The following MYO1F variants were observed in gnomAD, a reference collection of about 807,000 sequenced individuals.
The protein encoded by MYO1F is unconventional myosin-If.
A neutral mutation model predicts 146.6 loss-of-function variants in MYO1F; 60 were observed. The observed-to-expected ratio is 0.41, with a 90% CI of 0.33 to 0.51. MYO1F has a LOEUF of 0.51. MYO1F is among the 20% of genes least tolerant of loss of function. The pLI is 0.25. For synonymous variants in MYO1F, 602 were observed against 602.1 expected (o/e 1.00, Z 0.00); for missense variants, 1,274 against 1,534.3 (o/e 0.83, Z 2.83).
rs1417699392 is a variant in MYO1F, at chr19:8,521,174, G to A, written c.*354C>T. On this transcript the variant is annotated 3_prime_UTR_variant, in exon 28 of 28. Coordinates refer to ENST00000644032, the MANE Select transcript of MYO1F (RefSeq NM_012335.4). ...GAATGAGCAAAGTCACGCTTGTTAA[G>A]GACCCCCCCCTCCCCAACTGTGCCT... 3 of 374,574 alleles carry A rather than the reference G, an allele frequency of 8.0e-6. No homozygotes were observed. The highest frequency in any genetic ancestry group is 2.1e-5 in the African/African-American group (1 of 48,096). The allele number at this position is 374,574 out of a possible 1,614,324, so 23.2% of individuals were successfully genotyped here.
rs1972464689 is a variant in MYO1F at position 8,530,999 on chromosome 19, G to A, written c.2044-426C>T. 1.3e-5 allele frequency among the ~76,000 whole-genome samples: 2 copies of A among 152,124 alleles called. No individual in the cohort carries two copies. Among genetic ancestry groups the A allele is most frequent in the Admixed American group, 6.6e-5 (1 of 15,260 alleles). The stretch of plus-strand genomic sequence containing the variant: ...GCGGAGGTTGCAGTGAGCTGAGATC[G>A]CGCCATTGCACTCCAGCCTGGACAA... On this transcript the variant is annotated intron_variant, in intron 19 of 27. Transcript: ENST00000644032. The surrounding 1 kb of genome is among the most constrained non-coding windows in gnomAD (Gnocchi z 5.8).
rs1432075126 is a variant in MYO1F, at chr19:8,536,530, A to G, written c.1867T>C (p.Tyr623His). 5.9e-5 allele frequency: 95 copies of G among 1,612,488 alleles called. No individual in the cohort carries two copies. Among genetic ancestry groups the G allele is most frequent in the Non-Finnish European group, 8.1e-5 (95 of 1,179,722 alleles). ...AGGAATTTGGCGAACTGGCGGCGGTAGGCGAAGCCGGCTCTGCGCACCCTG... is the reference window on the plus strand; with the variant it reads ...AGGAATTTGGCGAACTGGCGGCGGTGGGCGAAGCCGGCTCTGCGCACCCTG... ...NIRVRRAGFA[Y>H]RRQFAKFLQR... Residue 623 changes from tyrosine to histidine, a missense_variant, in exon 18 of 28, where the codon TAC becomes CAC. Around this residue, in one of 2 missense-constraint regions of MYO1F, gnomAD observed 900 missense variants for 1,155.1 expected, o/e 0.78. Transcript: ENST00000644032.
chr19:8,555,798 T>A lies in MYO1F; in HGVS notation c.4-2A>T. On this transcript the variant is annotated splice_acceptor_variant, in intron 1 of 27. Transcript: ENST00000644032. LOFTEE classifies it high-confidence loss of function. ...CCAGTGGAAGCGCTCCTTGCTGCCC[T>A]GGGGGGTGAGAGGGGGGTCGGGGTG... is the stretch of plus-strand genomic sequence containing the variant. 1 of 1,610,746 alleles carries A rather than the reference T, an allele frequency of 6.2e-7. No individual in the cohort carries two copies.
intron 1 of MYO1F, among the ~76,000 whole-genome samples, chr19:8,567,932 C>G (rs2042035841): frequency 6.6e-6 from 1 of 152,234 alleles, no homozygotes; most frequent in African/African-American, 2.4e-5. Flanking sequence ...GCCACTTCCC[C>G]TCACTGGGGT....
intron 14 of MYO1F, among the ~76,000 whole-genome samples, chr19:8,543,174 G>C (rs1240837440): frequency 1.3e-5 from 2 of 152,232 alleles, no homozygotes; most frequent in Non-Finnish European, 2.9e-5. Flanking sequence ...AAAGTGCTGG[G>C]ATTACAGGCG....
intron 16 of MYO1F, among the ~76,000 whole-genome samples, chr19:8,538,779 C>T (rs1033489174): frequency 7.9e-5 from 12 of 151,822 alleles, no homozygotes; most frequent in Non-Finnish European, 1.3e-4. Context: ...TTTATAGAGA[C>T]GGGGTCTTGT....
chr19:8,548,643 C>G (rs1360180806), intron 10 of MYO1F, among the ~76,000 whole-genome samples: 1 of 151,294 alleles, frequency 6.6e-6, no homozygotes, highest in Non-Finnish European at 1.5e-5. Context: ...CTCTGTCGCC[C>G]AGGCTGGAGT....
intron 22 of MYO1F, 90 bp from the exon 23 acceptor site, chr19:8,527,025 G>A (rs1280100517): frequency 6.5e-7 from 1 of 1,550,074 alleles, no homozygotes; most frequent in African/African-American, 1.4e-5. Flanking sequence ...GGTGGATTTA[G>A]GGAAGGGTCA....
At chr19:8,568,556 G>A (rs2042052035) in intron 1 of MYO1F, among the ~76,000 whole-genome samples, 1 of 151,990 alleles carries the variant, frequency 6.6e-6, no homozygotes. Flanking sequence ...TCAAAGCCTG[G>A]CTTGACAGTT....
intron 21 of MYO1F, among the ~76,000 whole-genome samples, chr19:8,529,643 G>A (rs1972400203): frequency 6.6e-6 from 1 of 152,040 alleles, no homozygotes; most frequent in African/African-American, 2.4e-5. Context: ...GGTGTGTCTA[G>A]GATAGGCAAG....
intron 25 of MYO1F, among the ~76,000 whole-genome samples, chr19:8,524,790 G>C (rs979780508): frequency 6.6e-6 from 1 of 152,108 alleles, no homozygotes; most frequent in Non-Finnish European, 1.5e-5. Context: ...CTGTGGGTAC[G>C]TCTTGGTGGA....
At chr19:8,529,843 C>A (rs2145835762) in intron 21 of MYO1F, 1 of 454,134 alleles carries the variant, frequency 2.2e-6, no homozygotes, top group Middle Eastern at 6.6e-4. Context: ...TAATGATGTA[C>A]CTGTGATGGA....
intron 10 of MYO1F, chr19:8,549,856 A>G: frequency 4.1e-6 from 2 of 488,096 alleles, no homozygotes; most frequent in South Asian, 4.2e-5. Flanking sequence ...GCTGGAGTAC[A>G]ATAGCGCAAT....
intron 1 of MYO1F, among the ~76,000 whole-genome samples, chr19:8,574,493 TTTC>T (rs1240460569): frequency 1.3e-5 from 2 of 152,082 alleles, no homozygotes; most frequent in African/African-American, 4.8e-5. Context: ...GGCATTAGAT[TTTC>T]TTTTCTTTCT....
chr19:8,525,071 G>A (rs1972209176), intron 25 of MYO1F, among the ~76,000 whole-genome samples: 1 of 151,342 alleles, frequency 6.6e-6, no homozygotes, highest in Non-Finnish European at 1.5e-5. Context: ...GTGGTGGCGG[G>A]TGCCTGTAAT....
rs746455069 is a variant in MYO1F at position 8,524,118 on chromosome 19, CAA to C, written c.2855-1291_2855-1290del. 4.3e-5 allele frequency among the ~76,000 whole-genome samples: 2 copies of C among 46,014 alleles called. 1 individual carries two copies. Among genetic ancestry groups the C allele is most frequent in the Non-Finnish European group, 7.1e-5 (2 of 28,152 alleles). The allele number at this position is 46,014 out of a possible 152,430, so 30.2% of individuals were successfully genotyped here. A position where few individuals can be genotyped will look rare whatever the true frequency, so the allele number is the denominator to read the frequency against. On this transcript the variant is annotated intron_variant, in intron 25 of 27. Transcript: ENST00000644032. The stretch of plus-strand genomic sequence containing the variant: ...TGGGCAACAGAGCAAGACACCGTCT[CAA>C]AAAAAAAAAAAAAAAAAAGGCCGGG...
intron 19 of MYO1F, among the ~76,000 whole-genome samples, chr19:8,534,228 A>G (rs2145847289): frequency 6.6e-6 from 1 of 152,090 alleles, no homozygotes; most frequent in African/African-American, 2.4e-5. Context: ...TTGGTTGAGA[A>G]AGGCTCCAAC....
Position 8,521,164 on chromosome 19 carries a change from C to G in MYO1F, c.*364G>C. 1 of 360,462 alleles carries G rather than the reference C, an allele frequency of 2.8e-6. No homozygotes were observed. Among genetic ancestry groups the G allele is most frequent in the Non-Finnish European group, 5.4e-6 (1 of 186,254 alleles). The allele number at this position is 360,462 out of a possible 1,614,324, so 22.3% of individuals were successfully genotyped here. A position where few individuals can be genotyped will look rare whatever the true frequency, so the allele number is the denominator to read the frequency against. On this transcript the variant is annotated 3_prime_UTR_variant, in exon 28 of 28. Coordinates refer to ENST00000644032, the MANE Select transcript of MYO1F (RefSeq NM_012335.4). ...AGTGATGACAGAATGAGCAAAGTCA[C>G]GCTTGTTAAGGACCCCCCCCTCCCC...
chr19:8,547,991 A>AACCCCCCC, intron 12 of MYO1F, 45 bp downstream of exon 12: 4 of 435,406 alleles, frequency 9.2e-6, no homozygotes, highest in Admixed American at 5.9e-5. Context: ...CTTCCACCCC[A>AACCCCCCC]CCCCCACCCC....
Sources: allele counts gnomAD v4.1 joint callset (sites outside exome capture counted in the v4.1 genomes callset), GRCh38; gene constraint gnomAD v4.1.1; regional missense constraint gnomAD v4.1.1; non-coding constraint Gnocchi (gnomAD v3.1); transcripts MANE v1.5; gene names NCBI Gene and HGNC (gene_info 2026-07-23, HGNC 2026-07-21).